GRID2: variants seen among roughly 807,000 people sequenced by gnomAD.
The protein encoded by GRID2 is glutamate ionotropic receptor delta type subunit 2, also known as glutamate receptor ionotropic, delta-2.
GRID2 carries 33 observed loss-of-function variants against 114.8 expected under a neutral mutation model. The observed-to-expected ratio is 0.29, with a 90% CI of 0.22 to 0.38. The LOEUF (loss-of-function observed/expected upper bound fraction) is 0.38. Ranked by LOEUF, GRID2 falls within the 10% of genes least tolerant of loss-of-function variation. The pLI, the probability that GRID2 is intolerant of heterozygous loss-of-function variation, is 1.00. For synonymous variants in GRID2, 505 were observed against 449.9 expected (o/e 1.12, Z -1.55); for missense variants, 1,184 against 1,257.7 (o/e 0.94, Z 0.89).
At chr4:93,169,143 TAC>T (rs33953002) in intron 4 of GRID2, among the ~76,000 whole-genome samples, 20,759 of 137,854 alleles carry the variant, frequency 0.15, 1,769 homozygotes, top group African/African-American at 0.25. Context: ...CACAATGAAA[TAC>T]ACACACACAC....
At chr4:93,447,455 C>A (rs994153863) in intron 10 of GRID2, among the ~76,000 whole-genome samples, 44 of 151,706 alleles carry the variant, frequency 2.9e-4, no homozygotes, top group Non-Finnish European at 1.5e-4. Context: ...AAATGAAATG[C>A]ATAAATAAAA....
intron 14 of GRID2, among the ~76,000 whole-genome samples, chr4:93,724,527 C>T (rs550733286): frequency 6.6e-6 from 1 of 152,170 alleles, no homozygotes; most frequent in East Asian, 1.9e-4. Flanking sequence ...GTCATAAAAA[C>T]ATTACCAAAT....
Position 92,994,835 on chromosome 4 carries a change from G to A in GRID2, c.245-90160G>A, listed in dbSNP as rs569883438. On this transcript the variant is annotated intron_variant, in intron 2 of 15. Coordinates refer to ENST00000282020, the MANE Select transcript of GRID2 (RefSeq NM_001510.4). ...CCTGGATGCAACCAAATCCTGTGGTGAGAACCTGGTGAATGAGAACCTATG... is the reference window on the plus strand; with the variant it reads ...CCTGGATGCAACCAAATCCTGTGGTAAGAACCTGGTGAATGAGAACCTATG... Among the ~76,000 whole-genome samples, 211 of 152,292 alleles carry A rather than the reference G, an allele frequency of 1.4e-3. 1 individual carries two copies. The highest frequency in any genetic ancestry group is 4.9e-3 in the African/African-American group (202 of 41,574).
At chr4:92,455,596 A>C (rs1240831636) in intron 1 of GRID2, among the ~76,000 whole-genome samples, 1 of 152,132 alleles carries the variant, frequency 6.6e-6, no homozygotes, top group Non-Finnish European at 1.5e-5. Context: ...AGGAATAGAA[A>C]CATGGAAGAA....
intron 8 of GRID2, among the ~76,000 whole-genome samples, chr4:93,279,535 A>G (rs1393294253): frequency 1.3e-5 from 2 of 151,904 alleles, no homozygotes; most frequent in Admixed American, 6.6e-5. Flanking sequence ...TAATTTTAAT[A>G]TAATTCTATA....
At chr4:92,464,112 T>C (rs1320979600) in intron 1 of GRID2, among the ~76,000 whole-genome samples, 1 of 152,046 alleles carries the variant, frequency 6.6e-6, no homozygotes, top group African/African-American at 2.4e-5. Context: ...TTTCCTCTCA[T>C]TTCCAATATT....
chr4:92,362,079 TA>T (rs1263491096), intron 1 of GRID2, among the ~76,000 whole-genome samples: 1 of 152,014 alleles, frequency 6.6e-6, no homozygotes, highest in Non-Finnish European at 1.5e-5. Context: ...TTGAACAACA[TA>T]CTCAGACTGG....
intron 2 of GRID2, among the ~76,000 whole-genome samples, chr4:92,667,443 T>C (rs1211442245): frequency 6.6e-6 from 1 of 151,602 alleles, no homozygotes; most frequent in African/African-American, 2.4e-5. Flanking sequence ...TCCTCTGAAA[T>C]ATATGTTTCA....
intron 14 of GRID2, among the ~76,000 whole-genome samples, chr4:93,652,929 T>C (rs1292828728): frequency 6.6e-6 from 1 of 151,964 alleles, no homozygotes; most frequent in African/African-American, 2.4e-5. Flanking sequence ...CTTCTTAGCT[T>C]CATTGAGAAG....
At chr4:93,370,424 AAC>A (rs1485599775) in intron 8 of GRID2, among the ~76,000 whole-genome samples, 1 of 141,462 alleles carries the variant, frequency 7.1e-6, no homozygotes, top group Non-Finnish European at 1.5e-5. Context: ...AACACACACA[AAC>A]ACGCACACAC....
At chr4:93,559,001 T>C (rs529582740) in intron 13 of GRID2, among the ~76,000 whole-genome samples, 1 of 152,238 alleles carries the variant, frequency 6.6e-6, no homozygotes, top group South Asian at 2.1e-4. Context: ...ATAATCTCAA[T>C]AGATGCAGAA....
chr4:92,762,655 CAG>C (rs1174655263), intron 2 of GRID2, among the ~76,000 whole-genome samples: 2 of 152,122 alleles, frequency 1.3e-5, no homozygotes, highest in African/African-American at 4.8e-5. Context: ...AAGTTGTATG[CAG>C]AGTCTGTGGT....
chr4:92,752,529 C>T (rs557213752), intron 2 of GRID2, among the ~76,000 whole-genome samples: 32 of 152,196 alleles, frequency 2.1e-4, no homozygotes, highest in African/African-American at 7.2e-4. Flanking sequence ...TTAAAATGTT[C>T]ATGGGCGTAG....
At chr4:93,651,899 G>A (rs952146370) in intron 14 of GRID2, among the ~76,000 whole-genome samples, 1 of 152,240 alleles carries the variant, frequency 6.6e-6, no homozygotes, top group East Asian at 1.9e-4. Context: ...TAGAAGGAAA[G>A]GTGAACAAGT....
intron 2 of GRID2, among the ~76,000 whole-genome samples, chr4:92,852,455 T>A (rs1743889353): frequency 6.6e-6 from 1 of 151,942 alleles, no homozygotes; most frequent in African/African-American, 2.4e-5. Flanking sequence ...AACTCCACGC[T>A]GAAGGGAAAC....
chr4:92,975,421 A>G (rs1578652627), intron 2 of GRID2, among the ~76,000 whole-genome samples: 1 of 152,004 alleles, frequency 6.6e-6, no homozygotes, highest in Admixed American at 6.6e-5. Flanking sequence ...GAGAGTTGCA[A>G]TTTGCCTTCC....
intron 4 of GRID2, among the ~76,000 whole-genome samples, chr4:93,125,152 A>G (rs763516631): frequency 2.0e-5 from 3 of 152,008 alleles, no homozygotes; most frequent in Non-Finnish European, 4.4e-5. Flanking sequence ...TGCTTATTAC[A>G]TTAAAATTCA....
intron 2 of GRID2, among the ~76,000 whole-genome samples, chr4:92,895,656 T>C (rs571387200): frequency 3.3e-5 from 5 of 152,156 alleles, no homozygotes; most frequent in Admixed American, 3.3e-4. Flanking sequence ...GACTCTCATA[T>C]TGAGTTGAAA....
At chr4:92,822,860 C>G (rs1009069874) in intron 2 of GRID2, 2 of 152,792 alleles carry the variant, frequency 1.3e-5, no homozygotes, top group African/African-American at 4.8e-5. Flanking sequence ...CAGTAGCGAT[C>G]TGGTTACTCA....
Sources: allele counts gnomAD v4.1 joint callset (sites outside exome capture counted in the v4.1 genomes callset), GRCh38; gene constraint gnomAD v4.1.1; transcripts MANE v1.5; gene names NCBI Gene and HGNC (gene_info 2026-07-23, HGNC 2026-07-21).